RIOK1: variants seen among roughly 807,000 people sequenced by gnomAD.
RIOK1 encodes the protein serine/threonine-protein kinase RIO1.
RIOK1 carries 66 observed loss-of-function variants against 73.5 expected under a neutral mutation model. The observed-to-expected ratio is 0.90, with a 90% CI of 0.74 to 1.10. RIOK1 has a LOEUF of 1.10. Among genes scored for constraint, RIOK1 ranks in the 50% least tolerant of loss-of-function variants. The pLI, the probability that RIOK1 is intolerant of heterozygous loss-of-function variation, is 0.00. For synonymous variants in RIOK1, 224 were observed against 226.8 expected (o/e 0.99, Z 0.11); for missense variants, 658 against 699.8 (o/e 0.94, Z 0.67).
chr6:7,415,413 T>TAAG (rs70978966), intron 16 of RIOK1, among the ~76,000 whole-genome samples: 79,771 of 151,624 alleles, frequency 0.53, 21,658 homozygotes, highest in Middle Eastern at 0.65. Context: ...AAAAAATAAA[T>TAAG]AAAAGGAAAA....
chr6:7,398,729 A>G lies in RIOK1; in HGVS notation c.469A>G (p.Thr157Ala). Residue 157 changes from threonine to alanine, a missense_variant, in exon 5 of 17, where the codon ACT becomes GCT. Coordinates refer to ENST00000379834, the MANE Select transcript of RIOK1 (RefSeq NM_031480.3). ...YRIKDKADRA[T>A]VEQVLDPRTR... ...CATCAAAGATAAGGCAGACAGAGCA[A>G]CTGTAGAACAGGTACAATTTAAATG... The G allele has an allele frequency of 6.2e-7, 1 of 1,612,082 alleles. No individual in the cohort carries two copies. Among genetic ancestry groups the G allele is most frequent in the Non-Finnish European group, 8.5e-7 (1 of 1,178,560 alleles).
intron 10 of RIOK1, 67 bp downstream of exon 10, chr6:7,404,622 A>C (rs1435131125): frequency 1.9e-6 from 3 of 1,555,102 alleles, no homozygotes; most frequent in South Asian, 1.1e-5. Context: ...TGATAAACAA[A>C]ATCCCAATCC....
chr6:7,406,863 T>G (rs1226113842), intron 12 of RIOK1, among the ~76,000 whole-genome samples: 2 of 152,184 alleles, frequency 1.3e-5, no homozygotes, highest in Admixed American at 6.5e-5. Context: ...GGTTTCACCA[T>G]GTTGGCCAGG....
At chr6:7,390,385 A>G (rs541797195) in intron 1 of RIOK1, among the ~76,000 whole-genome samples, 1 of 152,312 alleles carries the variant, frequency 6.6e-6, no homozygotes, top group Admixed American at 6.5e-5. Context: ...GCGTTCAACA[A>G]ATACTTACTA....
In RIOK1 at chr6:7,405,281, ACTGTGCGGGAGCT is replaced by A; in HGVS notation, c.1132_1144del (p.Val378LeufsTer24). On this transcript the variant is annotated frameshift_variant, in exon 12 of 17. Transcript: ENST00000379834. LOFTEE classifies it high-confidence loss of function. ...TATGAGGCACAGTGTTGCTGTCATGACTGTGCGGGAGCTCTTTGAATTTGTCACAGATCCATCC... is the reference window on the plus strand; with the variant it reads ...TATGAGGCACAGTGTTGCTGTCATGACTTTGAATTTGTCACAGATCCATCC... 2 of 1,613,264 alleles carry A rather than the reference ACTGTGCGGGAGCT, an allele frequency of 1.2e-6. No homozygotes were observed. Among genetic ancestry groups the A allele is most frequent in the Non-Finnish European group, 1.7e-6 (2 of 1,179,330 alleles).
rs1761879653 is a variant in RIOK1, at chr6:7,411,397, C to A, written c.1335C>A (p.Asp445Glu). Residue 445 changes from aspartate (D) to glutamate (E), a missense_variant, in exon 14 of 17, where the codon GAC (aspartate) becomes GAA (glutamate). Coordinates refer to ENST00000379834, the MANE Select transcript of RIOK1 (RefSeq NM_031480.3). ...NEVKNYERDM[D>E]IIMKLKEEDM... ...TGAAAAATTATGAGAGGGATATGGA[C>A]ATAATTATGAAATTGAAGGAAGAGG... 6.2e-7 allele frequency: 1 copy of A among 1,613,514 alleles called. No homozygotes were observed. The highest frequency in any genetic ancestry group is 1.7e-5 in the Admixed American group (1 of 60,004).
chr6:7,410,489 T>A, intron 13 of RIOK1, 38 bp downstream of exon 13: 2 of 1,454,982 alleles, frequency 1.4e-6, no homozygotes, highest in Non-Finnish European at 1.9e-6. Context: ...TTGGAAACAC[T>A]TGTGTTTTGA....
chr6:7,415,971 C>T (rs1406113527), intron 16 of RIOK1, among the ~76,000 whole-genome samples: 1 of 152,146 alleles, frequency 6.6e-6, no homozygotes, highest in African/African-American at 2.4e-5. Flanking sequence ...TAGGTAGAAG[C>T]ATAGTATATA....
At chr6:7,411,485 C>A in intron 14 of RIOK1, 34 bp downstream of exon 14, 1 of 1,612,108 alleles carries the variant, frequency 6.2e-7, no homozygotes, top group South Asian at 1.1e-5. Context: ...GCAAGCAGCT[C>A]TTCAAAAGTA....
rs1243886186 is a variant in RIOK1, at chr6:7,417,377, A to G, written c.1643A>G (p.Asn548Ser). The change falls in exon 17 of 17, where the codon AAC becomes AGC. Residue 548 changes from asparagine to serine, a missense_variant. Coordinates refer to ENST00000379834, the MANE Select transcript of RIOK1 (RefSeq NM_031480.3). ...VKEAQREKRK[N>S]KIPKHVKKRK... ...GAAGCCCAGAGAGAGAAAAGAAAAA[A>G]CAAAATTCCTAAACATGTGAAAAAA... 2 of 1,568,472 alleles carry G rather than the reference A, an allele frequency of 1.3e-6. No individual in the cohort carries two copies. Among genetic ancestry groups the G allele is most frequent in the African/African-American group, 1.4e-5 (1 of 73,776 alleles).
intron 12 of RIOK1, among the ~76,000 whole-genome samples, chr6:7,407,308 C>T (rs1761771349): frequency 6.6e-6 from 1 of 152,128 alleles, no homozygotes; most frequent in African/African-American, 2.4e-5. Flanking sequence ...TACTAATCTC[C>T]ATACCCTCAC....
At chr6:7,412,563 A>C (rs889688342) in intron 14 of RIOK1, among the ~76,000 whole-genome samples, 2 of 151,900 alleles carry the variant, frequency 1.3e-5, no homozygotes, top group Non-Finnish European at 2.9e-5. Flanking sequence ...AGGCAGGAGA[A>C]TCTCCTGAAC....
chr6:7,410,454 A>G lies in RIOK1; in HGVS notation c.1269+3A>G. 1 of 1,600,824 alleles carries G rather than the reference A, an allele frequency of 6.2e-7. No individual in the cohort carries two copies. Among genetic ancestry groups the G allele is most frequent in the Non-Finnish European group, 8.6e-7 (1 of 1,168,454 alleles). ...GCCAAGATCATGTGGATGAAGAGGT[A>G]GGATTTATTATCTATTCACAGCCTT... On this transcript the variant is annotated splice_donor_region_variant and intron_variant, in intron 13 of 16. Transcript: ENST00000379834.
At chr6:7,396,805 T>TA (rs757327010) in intron 4 of RIOK1, 33 bp downstream of exon 4, 25 of 1,156,836 alleles carry the variant, frequency 2.2e-5, no homozygotes, top group African/African-American at 3.0e-5. Flanking sequence ...GCATGGGTGA[T>TA]AAGGACTAAT....
intron 12 of RIOK1, among the ~76,000 whole-genome samples, chr6:7,406,725 A>T (rs531741640): frequency 6.6e-6 from 1 of 152,076 alleles, no homozygotes; most frequent in East Asian, 1.9e-4. Flanking sequence ...CAGTGGCGTG[A>T]TCTTGGCTCA....
rs1045416455 is a variant in RIOK1 at position 7,417,613 on chromosome 6, A to G, written c.*172A>G. ...AACTATGTAAAAAGCTCTAAGCTCT[A>G]GAGTCTAGATCCAGTCACTGACTCT... On this transcript the variant is annotated 3_prime_UTR_variant, in exon 17 of 17. Coordinates refer to ENST00000379834, the MANE Select transcript of RIOK1 (RefSeq NM_031480.3). 1.1e-5 allele frequency: 5 copies of G among 450,018 alleles called. No individual in the cohort carries two copies. Among genetic ancestry groups the G allele is most frequent in the African/African-American group, 2.0e-5 (1 of 49,626 alleles). The allele number at this position is 450,018 out of a possible 1,614,324, so 27.9% of individuals were successfully genotyped here. A position where few individuals can be genotyped will look rare whatever the true frequency, so the allele number is the denominator to read the frequency against.
chr6:7,404,670 T>C lies in RIOK1; in HGVS notation c.992+115T>C. The C allele has an allele frequency of 5.5e-6, 7 of 1,263,410 alleles. No homozygotes were observed. In the South Asian group the frequency reaches 9.5e-5, roughly 17 times the overall value. The allele number at this position is 1,263,410 out of a possible 1,614,324, so 78.3% of individuals were successfully genotyped here. A position where few individuals can be genotyped will look rare whatever the true frequency, so the allele number is the denominator to read the frequency against. The stretch of plus-strand genomic sequence containing the variant: ...TAACTTCTGAAGTTTTATTGTTGAC[T>C]TCCAAATGGTATAAGATAGGATTCC... On this transcript the variant is annotated intron_variant, in intron 10 of 16. Coordinates refer to ENST00000379834, the MANE Select transcript of RIOK1 (RefSeq NM_031480.3).
chr6:7,390,106 A>G (rs745635586), intron 1 of RIOK1, 33 bp downstream of exon 1: 4 of 1,543,320 alleles, frequency 2.6e-6, no homozygotes, highest in Admixed American at 2.0e-5. Flanking sequence ...GGCTCTGGGT[A>G]CGGCTCTCTC....
intron 12 of RIOK1, among the ~76,000 whole-genome samples, chr6:7,409,784 G>T (rs1271271634): frequency 1.5e-5 from 2 of 134,792 alleles, no homozygotes. Flanking sequence ...ACTGATTTTC[G>T]TGTCTAAACT....
Sources: gnomAD v4.1 joint callset for allele counts (sites outside exome capture counted in the v4.1 genomes callset) on GRCh38, gnomAD v4.1.1 for gene constraint, MANE v1.5 for transcripts, NCBI Gene and HGNC (gene_info 2026-07-23, HGNC 2026-07-21) for gene names.